Variants in CHIC1 observed in about 807,000 individuals in gnomAD.
CHIC1 encodes cysteine rich hydrophobic domain 1, also known as cysteine-rich hydrophobic domain-containing protein 1.
A neutral mutation model predicts 18.5 loss-of-function variants in CHIC1; 7 were observed. The ratio of observed to expected loss-of-function variants is 0.38; its 90% CI spans 0.22 to 0.71. The LOEUF (loss-of-function observed/expected upper bound fraction) is 0.71, where lower values mean the gene tolerates loss of function less well. CHIC1 is among the 30% of genes least tolerant of loss of function. CHIC1 has a pLI of 0.49. For missense variants in CHIC1, 159 were observed against 176.9 expected, an observed-to-expected ratio of 0.90 and a Z score of 0.57; for synonymous variants, 77 against 73.5, an observed-to-expected ratio of 1.05 and a Z score of -0.25.
At chrX:73,566,763 C>T (rs1048814574) in intron 1 of CHIC1, among the ~76,000 whole-genome samples, 2 of 111,469 alleles carry the variant, frequency 1.8e-5, no homozygotes, top group African/African-American at 6.5e-5. Context: ...AATTACTGGA[C>T]ATCTTTCATT....
rs780347596 is a variant in CHIC1 at position 73,563,490 on chromosome X, C to T, written c.206C>T (p.Ala69Val). Residue 69 changes from alanine to valine, a missense_variant, in exon 1 of 6, where the codon GCG (alanine) becomes GTG (valine). Ala to Val is a moderately conservative substitution (Grantham distance 64). Coordinates refer to ENST00000373502, the MANE Select transcript of CHIC1 (RefSeq NM_001039840.4). Reference sequence around the variant, plus strand: ...GAGGAGGAGGAAGAGGAGGAGGAAGCGCCGCCCCCGCCTCGGGTAGTGAGC... The same window carrying T: ...GAGGAGGAGGAAGAGGAGGAGGAAGTGCCGCCCCCGCCTCGGGTAGTGAGC... ...EEEEEEEEEE[A>V]PPPPRVVSEE... The T allele has an allele frequency of 1.8e-5, 20 of 1,136,852 alleles. No homozygotes were observed. In the South Asian group the frequency reaches 4.0e-4, roughly 23 times the overall value. The allele number at this position is 1,136,852 out of a possible 1,213,427, so 93.7% of individuals were successfully genotyped here. A position where few individuals can be genotyped will look rare whatever the true frequency, so the allele number is the denominator to read the frequency against.
At chrX:73,582,968 C>G (rs976125568) in intron 2 of CHIC1, among the ~76,000 whole-genome samples, 4 of 110,655 alleles carry the variant, frequency 3.6e-5, no homozygotes, top group Admixed American at 2.9e-4. Flanking sequence ...AATTATAAGG[C>G]AAGGCTGTGT....
chrX:73,662,084 TAAA>T (rs1040887028), intron 3 of CHIC1, among the ~76,000 whole-genome samples: 12 of 106,246 alleles, frequency 1.1e-4, no homozygotes, highest in African/African-American at 4.1e-4. Flanking sequence ...AAATAAATAA[TAAA>T]AAAAAAGAAG....
intron 3 of CHIC1, among the ~76,000 whole-genome samples, chrX:73,625,236 A>C (rs972300656): frequency 5.4e-5 from 6 of 111,637 alleles, no homozygotes; most frequent in African/African-American, 2.0e-4. Context: ...ACATATGACA[A>C]ACCATACAAA....
chrX:73,668,988 G>T (rs1029034369), intron 3 of CHIC1, among the ~76,000 whole-genome samples: 3 of 113,028 alleles, frequency 2.7e-5, no homozygotes, highest in South Asian at 7.2e-4. Context: ...CGCCCCTCAG[G>T]CATTCCATCC....
chrX:73,635,831 G>T (rs935396981), intron 3 of CHIC1, among the ~76,000 whole-genome samples: 1 of 111,288 alleles, frequency 9.0e-6, no homozygotes, highest in Non-Finnish European at 1.9e-5. Context: ...GATGTTTCTT[G>T]TACCGTTGAA....
intron 3 of CHIC1, 133 bp downstream of exon 3, chrX:73,584,705 A>G: frequency 2.1e-6 from 1 of 466,983 alleles, no homozygotes; most frequent in Non-Finnish European, 3.3e-6. Context: ...TTTATTTTAG[A>G]GATAAGGAAA....
intron 3 of CHIC1, among the ~76,000 whole-genome samples, chrX:73,646,297 T>A (rs1403396710): frequency 4.5e-5 from 5 of 112,298 alleles, no homozygotes; most frequent in Non-Finnish European, 9.4e-5. Flanking sequence ...TTTTGATTTT[T>A]ATAGCTTTGT....
chrX:73,660,074 T>C (rs1008975341), intron 3 of CHIC1, among the ~76,000 whole-genome samples: 1 of 111,967 alleles, frequency 8.9e-6, no homozygotes, highest in African/African-American at 3.2e-5. Context: ...AATCCATTAC[T>C]TTCTTGGCTT....
At chrX:73,658,799 T>G (rs775341971) in intron 3 of CHIC1, among the ~76,000 whole-genome samples, 68 of 112,302 alleles carry the variant, frequency 6.1e-4, no homozygotes, top group Admixed American at 1.1e-3. Flanking sequence ...TAACACTGCT[T>G]TAGCTGCATC....
rs1030641869 is a variant in CHIC1, at chrX:73,681,338, C to G, written c.*333C>G. 1.3e-5 allele frequency: 2 copies of G among 151,472 alleles called. 1 individual carries two copies. Among genetic ancestry groups the G allele is most frequent in the African/African-American group, 6.2e-5 (2 of 32,058 alleles). The allele number at this position is 151,472 out of a possible 1,213,427, so 12.5% of individuals were successfully genotyped here. On this transcript the variant is annotated 3_prime_UTR_variant, in exon 6 of 6. Transcript: ENST00000373502. The stretch of plus-strand genomic sequence containing the variant: ...AGCATGCTGCCTTATAATTTTCATA[C>G]TCATTGTTTCTAAACTCGCATCATT...
In CHIC1 at chrX:73,679,640, C is replaced by T; in HGVS notation, c.565-14C>T. 9.3e-7 allele frequency: 1 copy of T among 1,077,660 alleles called. No individual in the cohort carries two copies. The highest frequency in any genetic ancestry group is 1.2e-6 in the Non-Finnish European group (1 of 811,283). The allele number at this position is 1,077,660 out of a possible 1,213,427, so 88.8% of individuals were successfully genotyped here. A position where few individuals can be genotyped will look rare whatever the true frequency, so the allele number is the denominator to read the frequency against. ...GTTAATATAAAAATTCTTAACAAGA[C>T]TATACTTTCTTAGCTTGCTTTGCAC... On this transcript the variant is annotated splice_polypyrimidine_tract_variant and intron_variant, in intron 4 of 5. Transcript: ENST00000373502.
At chrX:73,669,044 C>T (rs1032076020) in intron 3 of CHIC1, among the ~76,000 whole-genome samples, 12 of 111,492 alleles carry the variant, frequency 1.1e-4, no homozygotes, top group East Asian at 2.9e-4. Context: ...GCTGGGAGGA[C>T]GCACCTCAGG....
chrX:73,655,317 TACAC>T (rs993792421), intron 3 of CHIC1, among the ~76,000 whole-genome samples: 2 of 103,729 alleles, frequency 1.9e-5, no homozygotes, highest in Non-Finnish European at 3.9e-5. Context: ...TGTATATATA[TACAC>T]ACACACTATA....
Position 73,681,161 on chromosome X carries a change from T to A in CHIC1, c.*156T>A, listed in dbSNP as rs2058097786. The A allele has an allele frequency of 7.2e-6, 3 of 419,223 alleles. No homozygotes were observed. The East Asian group carries it at 1.3e-4, about 18-fold the overall frequency. 34.5% of individuals were successfully genotyped at this position (419,223 alleles called of 1,213,427 possible). On this transcript the variant is annotated 3_prime_UTR_variant, in exon 6 of 6. Transcript: ENST00000373502. ...CTTTTGTGTTGGTTTATGAAGAAAATTTGCACATCTTTTTTGTCTTTCAAT... is the reference window on the plus strand; with the variant it reads ...CTTTTGTGTTGGTTTATGAAGAAAAATTGCACATCTTTTTTGTCTTTCAAT...
intron 3 of CHIC1, among the ~76,000 whole-genome samples, chrX:73,669,913 C>T (rs781590887): frequency 7.1e-5 from 8 of 112,048 alleles, no homozygotes; most frequent in Non-Finnish European, 1.5e-4. Context: ...ATGCAGACCT[C>T]CTGTCTTGCC....
chrX:73,675,353 T>C (rs754850570), intron 3 of CHIC1, among the ~76,000 whole-genome samples: 2 of 111,761 alleles, frequency 1.8e-5, no homozygotes, highest in South Asian at 3.8e-4. Flanking sequence ...CCATTATTAT[T>C]GTCTGGGAGT....
intron 3 of CHIC1, among the ~76,000 whole-genome samples, chrX:73,672,103 A>C (rs772115777): frequency 9.0e-6 from 1 of 111,472 alleles, no homozygotes; most frequent in Non-Finnish European, 1.9e-5. Flanking sequence ...TGAACTCATC[A>C]TTTTTTATGG....
chrX:73,663,975 G>T (rs769011068), intron 3 of CHIC1, among the ~76,000 whole-genome samples: 1 of 111,452 alleles, frequency 9.0e-6, no homozygotes, highest in Non-Finnish European at 1.9e-5. Context: ...GGAGGCAGGG[G>T]CCCCAGATCC....
Sources: gnomAD v4.1 joint callset for allele counts (sites outside exome capture counted in the v4.1 genomes callset) on GRCh38, gnomAD v4.1.1 for gene constraint, MANE v1.5 for transcripts, NCBI Gene and HGNC (gene_info 2026-07-23, HGNC 2026-07-21) for gene names.